Variants in CDH23 observed in about 807,000 individuals in gnomAD.
CDH23 encodes the protein cadherin related 23.
A neutral mutation model predicts 317.1 loss-of-function variants in CDH23; 189 were observed. The ratio of observed to expected loss-of-function variants is 0.60; its 90% confidence interval spans 0.53 to 0.67. CDH23 has a LOEUF of 0.67. CDH23 is among the 30% of genes least tolerant of loss of function. The probability of loss-of-function intolerance (pLI) is 0.00; values close to 1 mark genes in which losing one functional copy is unlikely to be tolerated. For synonymous variants in CDH23, 1,839 were observed against 1,876.8 expected (o/e 0.98, Z 0.52); for missense variants, 4,401 against 4,592.4 (o/e 0.96, Z 1.20).
At chr10:71,511,613 G>T (rs1443195661) in intron 6 of CDH23, among the ~76,000 whole-genome samples, 2 of 152,200 alleles carry the variant, frequency 1.3e-5, no homozygotes, top group Non-Finnish European at 2.9e-5. Context: ...GTCCCTCCAG[G>T]ACTCAGGGAG....
chr10:71,675,238 C>A, intron 15 of CDH23, 62 bp downstream of exon 15: 1 of 1,439,286 alleles, frequency 6.9e-7, no homozygotes, highest in African/African-American at 1.4e-5. Flanking sequence ...TCCCCAGACT[C>A]ATGAGATCTG....
chr10:71,420,460 A>ATTGTGATGGTGATGGTGATGGTGATGGTG (rs1848721637), intron 1 of CDH23, among the ~76,000 whole-genome samples: 1 of 9,260 alleles, frequency 1.1e-4, no homozygotes, highest in African/African-American at 5.0e-4. Context: ...TGGTGATGAT[A>ATTGTGATGGTGATGGTGATGGTGATGGTG]ATGATGATGG....
chr10:71,789,068 T>G, intron 45 of CDH23, 26 bp downstream of exon 45: 1 of 1,164,664 alleles, frequency 8.6e-7, no homozygotes, highest in Non-Finnish European at 1.3e-6. Context: ...ACCCGGGAGC[T>G]CCTGCTGTTG....
At chr10:71,641,615 C>T (rs542122743) in intron 11 of CDH23, among the ~76,000 whole-genome samples, 103 of 152,330 alleles carry the variant, frequency 6.8e-4, no homozygotes, top group African/African-American at 2.3e-3. Context: ...AAGTTACAGG[C>T]CTCAACCCAG....
At position 71,687,627 on chromosome 10, in the gene CDH23, CCTGT is replaced by C. The variant is rs1353857227; in HGVS notation, c.1987-15_1987-12del. The C allele has an allele frequency of 6.2e-7, 1 of 1,613,362 alleles. No individual in the cohort carries two copies. Among genetic ancestry groups the C allele is most frequent in the Non-Finnish European group, 8.5e-7 (1 of 1,179,450 alleles). On this transcript the variant is annotated splice_polypyrimidine_tract_variant and intron_variant, in intron 18 of 69. Transcript: ENST00000224721. ...CCTGCCTCCCTGCAGCCTCCTGCAA[CCTGT>C]CTGTGTTCCTTCCAGGATGAGAATG...
chr10:71,481,357 G>A (rs1852054692), intron 3 of CDH23, among the ~76,000 whole-genome samples: 1 of 152,212 alleles, frequency 6.6e-6, no homozygotes, highest in Non-Finnish European at 1.5e-5. Flanking sequence ...GCAGTCTGCT[G>A]CCAGCTCACA....
chr10:71,799,319 C>A, intron 51 of CDH23, 39 bp downstream of exon 51: 2 of 1,613,416 alleles, frequency 1.2e-6, no homozygotes, highest in East Asian at 2.2e-5. Flanking sequence ...AGGACCTGCG[C>A]CCATTCCTTG....
At chr10:71,689,137 CCAGGGGTGGTGGAGT>C (rs1564734106) in intron 19 of CDH23, among the ~76,000 whole-genome samples, 27 of 11,658 alleles carry the variant, frequency 2.3e-3, no homozygotes, top group East Asian at 0.013. Flanking sequence ...GGTGGTGGAG[CCAGGGGTGGTGGAGT>C]CAGGGATGGT....
At chr10:71,561,613 G>C (rs1857135020) in intron 6 of CDH23, among the ~76,000 whole-genome samples, 1 of 152,196 alleles carries the variant, frequency 6.6e-6, no homozygotes, top group Non-Finnish European at 1.5e-5. Flanking sequence ...GCACAGGGTG[G>C]CCCATTTACA....
chr10:71,432,507 GGTGA>G (rs1849440434), intron 1 of CDH23, among the ~76,000 whole-genome samples: 2 of 147,024 alleles, frequency 1.4e-5, no homozygotes, highest in African/African-American at 2.5e-5. Flanking sequence ...GCAGTGTGTG[GGTGA>G]GTGTGAGTGT....
intron 14 of CDH23, among the ~76,000 whole-genome samples, chr10:71,650,404 G>C (rs892199978): frequency 6.6e-6 from 1 of 152,220 alleles, no homozygotes; most frequent in African/African-American, 2.4e-5. Flanking sequence ...ATGTGCGGGG[G>C]TGCATATGTG....
chr10:71,444,887 A>G (rs1427953674), intron 2 of CDH23, among the ~76,000 whole-genome samples: 1 of 152,130 alleles, frequency 6.6e-6, no homozygotes, highest in African/African-American at 2.4e-5. Flanking sequence ...CTGCACAATG[A>G]CAGTCCCACT....
intron 3 of CDH23, among the ~76,000 whole-genome samples, chr10:71,452,223 C>T (rs1850481636): frequency 6.6e-6 from 1 of 152,096 alleles, no homozygotes; most frequent in Non-Finnish European, 1.5e-5. Flanking sequence ...CTTGGAGACA[C>T]CAAGTTGACC....
At chr10:71,716,097 T>C in intron 28 of CDH23, 1 of 1,536,718 alleles carries the variant, frequency 6.5e-7, no homozygotes, top group Non-Finnish European at 8.8e-7. Flanking sequence ...TCACTGGGGC[T>C]CCCAGGGTGG....
intron 1 of CDH23, among the ~76,000 whole-genome samples, chr10:71,417,906 G>A (rs1391056651): frequency 1.3e-5 from 2 of 152,192 alleles, no homozygotes; most frequent in Non-Finnish European, 2.9e-5. Context: ...ACTGCACCCA[G>A]CTCATTCCAG....
intron 9 of CDH23, among the ~76,000 whole-genome samples, chr10:71,600,794 G>T (rs1028641674): frequency 2.0e-5 from 3 of 152,142 alleles, no homozygotes; most frequent in Admixed American, 6.5e-5. Context: ...GGGATTACAG[G>T]CTTGAGCCAC....
chr10:71,728,302 T>C (rs1298948652), intron 30 of CDH23, among the ~76,000 whole-genome samples: 2 of 151,252 alleles, frequency 1.3e-5, no homozygotes, highest in East Asian at 3.9e-4. Context: ...TTAGTTTGCA[T>C]AGTGGGTTCT....
At chr10:71,765,749 C>T (rs1840524765) in intron 38 of CDH23, among the ~76,000 whole-genome samples, 1 of 152,122 alleles carries the variant, frequency 6.6e-6, no homozygotes, top group Non-Finnish European at 1.5e-5. Context: ...GCCACCCATC[C>T]CACAGGTCCC....
chr10:71,413,277 CAATT>C (rs1002267304), intron 1 of CDH23, among the ~76,000 whole-genome samples: 24 of 152,232 alleles, frequency 1.6e-4, no homozygotes, highest in African/African-American at 5.8e-4. Flanking sequence ...TGTTAAAAAT[CAATT>C]GTTTGTTTAT....
Sources: allele counts gnomAD v4.1 joint callset (sites outside exome capture counted in the v4.1 genomes callset), GRCh38; gene constraint gnomAD v4.1.1; transcripts MANE v1.5; gene names NCBI Gene and HGNC (gene_info 2026-07-23, HGNC 2026-07-21).